KIAA0040: variants seen among roughly 807,000 people sequenced by gnomAD.
The protein encoded by KIAA0040 is uncharacterized protein KIAA0040.
A neutral mutation model predicts 7.2 loss-of-function variants in KIAA0040; 10 were observed. The ratio of observed to expected loss-of-function variants is 1.38; its 90% CI spans 0.85 to 2.34. The LOEUF is 2.34. Ranked by LOEUF, KIAA0040 falls within the 30% of genes most tolerant of loss-of-function variation. KIAA0040 has a pLI of 0.00. For synonymous variants in KIAA0040, 49 were observed against 40.1 expected, an observed-to-expected ratio of 1.22 and a Z score of -0.84; for missense variants, 89 against 108.2, an observed-to-expected ratio of 0.82 and a Z score of 0.79.
At chr1:175,192,578 C>T (rs980207115) in intron 1 of KIAA0040, 62 bp downstream of exon 1, 3 of 152,204 alleles carry the variant, frequency 2.0e-5, no homozygotes, top group African/African-American at 7.2e-5. Context: ...GCGTCTTCTT[C>T]CAAACAGAGG....
At position 175,164,335 on chromosome 1, in the gene KIAA0040, T is replaced by C. The variant is rs78265274; in HGVS notation, c.-134+2227A>G. Among the ~76,000 whole-genome samples, 165 of 152,362 alleles carry C rather than the reference T, an allele frequency of 1.1e-3. 2 individuals carry two copies. The highest frequency in any genetic ancestry group is 3.7e-3 in the African/African-American group (153 of 41,586). On this transcript the variant is annotated intron_variant, in intron 3 of 3. Coordinates refer to ENST00000423313, the MANE Select transcript of KIAA0040 (RefSeq NM_014656.3). ...AATTCAATAGTGAATGACAAAGATA[T>C]GGTTTCTGACATCGGGAAGCCTCGT...
At chr1:175,188,285 T>A (rs1450013632) in intron 1 of KIAA0040, among the ~76,000 whole-genome samples, 2 of 152,158 alleles carry the variant, frequency 1.3e-5, no homozygotes, top group Non-Finnish European at 2.9e-5. Context: ...TGGTCTCCAT[T>A]AAATGTCCAC....
At chr1:175,169,307 C>T (rs539101922) in intron 2 of KIAA0040, among the ~76,000 whole-genome samples, 12 of 152,274 alleles carry the variant, frequency 7.9e-5, no homozygotes, top group African/African-American at 1.7e-4. Flanking sequence ...AGCAGTGGTT[C>T]GGGAACCAGA....
intron 3 of KIAA0040, among the ~76,000 whole-genome samples, chr1:175,162,980 A>G (rs188784891): frequency 4.5e-4 from 69 of 152,320 alleles, no homozygotes; most frequent in African/African-American, 1.6e-3. Flanking sequence ...TAACTCATTC[A>G]TCTTCATGAC....
intron 1 of KIAA0040, 81 bp from the exon 2 acceptor site, chr1:175,177,765 C>T (rs1677261776): frequency 6.6e-6 from 1 of 152,208 alleles, no homozygotes; most frequent in Non-Finnish European, 1.5e-5. Flanking sequence ...GGGAGACTGG[C>T]TTTTCTCTCA....
intron 2 of KIAA0040, among the ~76,000 whole-genome samples, chr1:175,167,194 G>T (rs1676799467): frequency 6.6e-6 from 1 of 152,212 alleles, no homozygotes; most frequent in South Asian, 2.1e-4. Flanking sequence ...CATGGCTAGG[G>T]TGTCTGAAAA....
chr1:175,179,152 C>A (rs903703356), intron 1 of KIAA0040, among the ~76,000 whole-genome samples: 1 of 151,788 alleles, frequency 6.6e-6, no homozygotes, highest in Non-Finnish European at 1.5e-5. Flanking sequence ...GGTATGGCAG[C>A]GAAGAAGGCT....
intron 2 of KIAA0040, among the ~76,000 whole-genome samples, chr1:175,176,696 T>TTTTTTTTTTTTTTTTC (rs1677210623): frequency 7.5e-6 from 1 of 132,916 alleles, no homozygotes; most frequent in Non-Finnish European, 1.6e-5. Context: ...TTTTTTTTTT[T>TTTTTTTTTTTTTTTTC]TTTTGCTTCA....
chr1:175,181,079 T>C (rs71645232), intron 1 of KIAA0040, among the ~76,000 whole-genome samples: 325 of 152,328 alleles, frequency 2.1e-3, no homozygotes, highest in Non-Finnish European at 3.2e-3. Context: ...CTTGAACTCC[T>C]GGCCTGAAGT....
At chr1:175,174,988 A>G (rs1339086564) in intron 2 of KIAA0040, among the ~76,000 whole-genome samples, 1 of 152,104 alleles carries the variant, frequency 6.6e-6, no homozygotes, top group Non-Finnish European at 1.5e-5. Context: ...GTTTAGGTGA[A>G]GTTTTGTTTT....
intron 3 of KIAA0040, 62 bp from the exon 4 acceptor site, chr1:175,161,208 A>C: frequency 1.9e-6 from 1 of 521,090 alleles, no homozygotes; most frequent in Non-Finnish European, 3.4e-6. Flanking sequence ...CAATTTTAAT[A>C]GTGTCATAGA....
Position 175,159,921 on chromosome 1 carries a change from G to A in KIAA0040, c.*793C>T, listed in dbSNP as rs1676458994. 1 of 153,034 alleles carries A rather than the reference G, an allele frequency of 6.5e-6. No homozygotes were observed. Among genetic ancestry groups the A allele is most frequent in the Non-Finnish European group, 1.5e-5 (1 of 68,036 alleles). 9.5% of individuals were successfully genotyped at this position (153,034 alleles called of 1,614,324 possible). A position where few individuals can be genotyped will look rare whatever the true frequency, so the allele number is the denominator to read the frequency against. On this transcript the variant is annotated 3_prime_UTR_variant, in exon 4 of 4. Coordinates refer to ENST00000423313, the MANE Select transcript of KIAA0040 (RefSeq NM_014656.3). Reference sequence around the variant, plus strand: ...CTTGGATCACATTAAACACCTCTCAGTGGCAATGAGGACGGACTTTGTCAT... The same window carrying A: ...CTTGGATCACATTAAACACCTCTCAATGGCAATGAGGACGGACTTTGTCAT...
intron 2 of KIAA0040, among the ~76,000 whole-genome samples, chr1:175,169,809 G>A (rs1192605202): frequency 6.6e-6 from 1 of 152,294 alleles, no homozygotes; most frequent in African/African-American, 2.4e-5. Flanking sequence ...GCTCTCCCAA[G>A]ATTGTGTGGA....
intron 2 of KIAA0040, among the ~76,000 whole-genome samples, chr1:175,168,245 G>T (rs1467118770): frequency 6.6e-6 from 1 of 152,148 alleles, no homozygotes; most frequent in African/African-American, 2.4e-5. Context: ...AAAATGGTCT[G>T]ATCACAGTAA....
chr1:175,162,673 C>G (rs751248116), intron 3 of KIAA0040, among the ~76,000 whole-genome samples: 53 of 152,238 alleles, frequency 3.5e-4, no homozygotes, highest in Non-Finnish European at 7.2e-4. Context: ...ACATGATGCC[C>G]CAGCAATTGT....
chr1:175,163,452 CT>C (rs1676629044), intron 3 of KIAA0040, among the ~76,000 whole-genome samples: 1 of 152,242 alleles, frequency 6.6e-6, no homozygotes, highest in African/African-American at 2.4e-5. Context: ...ATCCAAGGCT[CT>C]GCTCAAGCCC....
At chr1:175,181,988 T>C (rs2142507) in intron 1 of KIAA0040, among the ~76,000 whole-genome samples, 148,434 of 152,300 alleles carry the variant, frequency 0.97, 72,345 homozygotes, top group East Asian at 0.99. Context: ...AGGGCCTTCT[T>C]GCAGCCACTG....
At chr1:175,178,299 T>C (rs572100825) in intron 1 of KIAA0040, among the ~76,000 whole-genome samples, 1 of 152,190 alleles carries the variant, frequency 6.6e-6, no homozygotes, top group African/African-American at 2.4e-5. Context: ...GCACCTTCAG[T>C]GTGAGCAGAA....
chr1:175,184,952 C>T (rs1677597735), intron 1 of KIAA0040, among the ~76,000 whole-genome samples: 1 of 152,174 alleles, frequency 6.6e-6, no homozygotes, highest in African/African-American at 2.4e-5. Flanking sequence ...TCAGTGGTGG[C>T]AGCTGCAGAT....
Sources: gnomAD v4.1 joint callset for allele counts (sites outside exome capture counted in the v4.1 genomes callset) on GRCh38, gnomAD v4.1.1 for gene constraint, MANE v1.5 for transcripts, NCBI Gene and HGNC (gene_info 2026-07-23, HGNC 2026-07-21) for gene names.